Variants in KCNH5 observed in about 807,000 individuals in gnomAD.
KCNH5 encodes potassium voltage-gated channel subfamily H member 5, also known as voltage-gated delayed rectifier potassium channel KCNH5.
Under a neutral mutation model 96.1 loss-of-function variants are expected in KCNH5, and 46 were observed. That is an observed-to-expected ratio of 0.48 (90% confidence interval 0.38 to 0.61). The LOEUF is 0.61. Ranked by LOEUF, KCNH5 falls within the 20% of genes least tolerant of loss-of-function variation. KCNH5 has a pLI of 0.00. For synonymous variants in KCNH5, 439 were observed against 449.8 expected (o/e 0.98, Z 0.30); for missense variants, 907 against 1,225.8 (o/e 0.74, Z 3.88).
At chr14:62,717,946 T>C (rs1024969286) in intron 10 of KCNH5, among the ~76,000 whole-genome samples, 2 of 152,154 alleles carry the variant, frequency 1.3e-5, no homozygotes, top group African/African-American at 4.8e-5. Context: ...GCCACAAAAA[T>C]GAATGCAGTC....
At position 62,743,725 on chromosome 14, in the gene KCNH5, G is replaced by A. The variant is rs551744035; in HGVS notation, c.2020-35270C>T. ...AAGGTCCTTTACCACCATATTCACTGTGTTGCCTATATCCACAAAGTGTCA... is the reference window on the plus strand; with the variant it reads ...AAGGTCCTTTACCACCATATTCACTATGTTGCCTATATCCACAAAGTGTCA... On this transcript the variant is annotated intron_variant, in intron 10 of 10. Coordinates refer to ENST00000322893, the MANE Select transcript of KCNH5 (RefSeq NM_139318.5). Among the ~76,000 whole-genome samples, 3 of 152,206 alleles carry A rather than the reference G, an allele frequency of 2.0e-5. No individual in the cohort carries two copies. In the East Asian group the frequency reaches 5.8e-4, roughly 29 times the overall value.
rs1020485650 is a variant in KCNH5, at chr14:62,720,616, A to G, written c.2020-12161T>C. Among the ~76,000 whole-genome samples, 4 of 152,296 alleles carry G rather than the reference A, an allele frequency of 2.6e-5. No homozygotes were observed. The South Asian group carries it at 6.2e-4, about 24-fold the overall frequency. ...AAAAAAGAGACTTTTTGAGTAGTTC[A>G]GGTGAGATATTATGTTAACTTAGAT... On this transcript the variant is annotated intron_variant, in intron 10 of 10. Transcript: ENST00000322893.
chr14:62,916,814 C>G (rs116710279), intron 7 of KCNH5, among the ~76,000 whole-genome samples: 7 of 152,272 alleles, frequency 4.6e-5, no homozygotes, highest in East Asian at 1.9e-4. Context: ...GTCTTCTCAT[C>G]GTTTACGGCT....
chr14:62,713,176 A>G (rs1157143240), intron 10 of KCNH5, among the ~76,000 whole-genome samples: 1 of 152,264 alleles, frequency 6.6e-6, no homozygotes, highest in African/African-American at 2.4e-5. Flanking sequence ...CAGCAAATGT[A>G]TGACGTGGTG....
intron 3 of KCNH5, among the ~76,000 whole-genome samples, chr14:63,002,108 A>G (rs966273449): frequency 3.9e-5 from 6 of 152,134 alleles, no homozygotes; most frequent in Non-Finnish European, 8.8e-5. Context: ...CCTGAAGAAA[A>G]ATAGACGTGT....
intron 8 of KCNH5, 70 bp downstream of exon 8, chr14:62,849,583 C>A: frequency 8.0e-7 from 1 of 1,256,588 alleles, no homozygotes; most frequent in South Asian, 1.2e-5. Context: ...CAATACGTGA[C>A]TGGAAAAGCT....
At chr14:62,971,554 T>C (rs907136964) in intron 6 of KCNH5, among the ~76,000 whole-genome samples, 13 of 151,910 alleles carry the variant, frequency 8.6e-5, no homozygotes, top group Non-Finnish European at 4.4e-5. Flanking sequence ...GCCACTACAA[T>C]ATGGAAGTTG....
At chr14:63,028,393 T>C (rs541122643) in intron 1 of KCNH5, among the ~76,000 whole-genome samples, 1 of 152,234 alleles carries the variant, frequency 6.6e-6, no homozygotes, top group South Asian at 2.1e-4. Context: ...TACTCTATGC[T>C]AGGTATTGGG....
Position 62,702,922 on chromosome 14 carries a change from A to G in KCNH5, c.*4586T>C, listed in dbSNP as rs1193500026. On this transcript the variant is annotated 3_prime_UTR_variant, in exon 11 of 11. Transcript: ENST00000322893. ...ACAGGTCATGATTATTTTAATATAA[A>G]AAGTTGAAGGATGAACTACTCTAGT... 6.6e-5 allele frequency: 10 copies of G among 151,974 alleles called. No homozygotes were observed. The highest frequency in any genetic ancestry group is 6.6e-4 in the Admixed American group (10 of 15,252). The allele number at this position is 151,974 out of a possible 1,614,324, so 9.4% of individuals were successfully genotyped here.
chr14:62,925,804 C>T (rs1889465221), intron 7 of KCNH5, among the ~76,000 whole-genome samples: 1 of 152,030 alleles, frequency 6.6e-6, no homozygotes, highest in South Asian at 2.1e-4. Flanking sequence ...TGGATTTCCA[C>T]AGACTATAAA....
chr14:62,903,507 A>C (rs1283001097), intron 7 of KCNH5, among the ~76,000 whole-genome samples: 1 of 152,210 alleles, frequency 6.6e-6, no homozygotes, highest in African/African-American at 2.4e-5. Flanking sequence ...AAGTTGTATG[A>C]CTTTGTATAT....
chr14:62,882,959 C>T (rs1888523613), intron 7 of KCNH5, among the ~76,000 whole-genome samples: 1 of 152,150 alleles, frequency 6.6e-6, no homozygotes, highest in Non-Finnish European at 1.5e-5. Flanking sequence ...AGAAATGTTT[C>T]TAATATCTCT....
chr14:62,843,556 C>T (rs972412462), intron 8 of KCNH5, among the ~76,000 whole-genome samples: 24 of 151,936 alleles, frequency 1.6e-4, no homozygotes, highest in Non-Finnish European at 2.6e-4. Flanking sequence ...GGACTACAGG[C>T]GTGCACCACC....
intron 7 of KCNH5, among the ~76,000 whole-genome samples, chr14:62,943,086 A>C (rs1225269623): frequency 6.6e-6 from 1 of 152,208 alleles, no homozygotes; most frequent in East Asian, 1.9e-4. Flanking sequence ...AGAGAGAAAA[A>C]AATTATGGTT....
intron 6 of KCNH5, among the ~76,000 whole-genome samples, chr14:62,975,441 T>C (rs1444148344): frequency 6.6e-6 from 1 of 151,972 alleles, no homozygotes; most frequent in Non-Finnish European, 1.5e-5. Flanking sequence ...GATAAACGTG[T>C]GGATAAATCT....
chr14:62,844,709 A>G (rs992389735), intron 8 of KCNH5, among the ~76,000 whole-genome samples: 1 of 152,242 alleles, frequency 6.6e-6, no homozygotes, highest in East Asian at 1.9e-4. Flanking sequence ...ATTAAAAAAT[A>G]TTGCCTAAAG....
intron 1 of KCNH5, among the ~76,000 whole-genome samples, chr14:63,025,102 T>C (rs575491024): frequency 7.9e-5 from 12 of 152,290 alleles, no homozygotes; most frequent in African/African-American, 2.9e-4. Context: ...ATAAATATGA[T>C]AGACCACATT....
intron 9 of KCNH5, among the ~76,000 whole-genome samples, chr14:62,797,170 A>G (rs1376952042): frequency 6.6e-6 from 1 of 152,174 alleles, no homozygotes; most frequent in Admixed American, 6.5e-5. Context: ...GTTTTGAAGG[A>G]TGATGGAGGG....
At chr14:62,986,979 A>G in intron 5 of KCNH5, 93 bp downstream of exon 5, 1 of 810,422 alleles carries the variant, frequency 1.2e-6, no homozygotes, top group South Asian at 1.5e-5. Context: ...TATTTATAAG[A>G]TCATAGCCAG....
Sources: allele counts gnomAD v4.1 joint callset (sites outside exome capture counted in the v4.1 genomes callset), GRCh38; gene constraint gnomAD v4.1.1; transcripts MANE v1.5; gene names NCBI Gene and HGNC (gene_info 2026-07-23, HGNC 2026-07-21).